Variants in PIK3C2G observed in about 807,000 individuals in gnomAD.
PIK3C2G encodes the protein phosphatidylinositol 3-kinase C2 domain-containing subunit gamma.
Under a neutral mutation model 181.1 loss-of-function variants are expected in PIK3C2G, and 168 were observed. The ratio of observed to expected loss-of-function variants is 0.93; its 90% CI spans 0.82 to 1.05. PIK3C2G has a LOEUF of 1.05. Ranked by LOEUF, PIK3C2G falls within the 50% of genes least tolerant of loss-of-function variation. PIK3C2G has a pLI of 0.00. For missense variants in PIK3C2G, 1,869 were observed against 1,732.8 expected (o/e 1.08, Z -1.40); for synonymous variants, 573 against 592.2 (o/e 0.97, Z 0.47).
chr12:18,296,142 C>T (rs920651270), intron 5 of PIK3C2G, among the ~76,000 whole-genome samples: 1 of 151,936 alleles, frequency 6.6e-6, no homozygotes, highest in Non-Finnish European at 1.5e-5. Flanking sequence ...TGTTATATTG[C>T]TATATTAGTT....
chr12:18,647,846 T>C, intron 32 of PIK3C2G, 30 bp from the exon 33 acceptor site: 1 of 1,384,932 alleles, frequency 7.2e-7, no homozygotes, highest in Non-Finnish European at 9.6e-7. Context: ...CATTTCTGAT[T>C]TATATTTTCA....
intron 16 of PIK3C2G, among the ~76,000 whole-genome samples, chr12:18,400,066 T>C (rs1406279732): frequency 6.6e-6 from 1 of 152,210 alleles, no homozygotes; most frequent in East Asian, 1.9e-4. Flanking sequence ...TAATAAATTG[T>C]AGAAGTTTCT....
intron 8 of PIK3C2G, among the ~76,000 whole-genome samples, chr12:18,333,394 C>T (rs932197120): frequency 2.6e-5 from 4 of 152,010 alleles, no homozygotes; most frequent in African/African-American, 7.2e-5. Context: ...CCCATCAACC[C>T]GTCATCTACA....
the PIK3C2G span, among the ~76,000 whole-genome samples, chr12:18,691,717 A>C: frequency 6.6e-6 from 1 of 152,180 alleles, no homozygotes. Context: ...TGTAAAGTGA[A>C]GTCAGTAGTT....
chr12:18,269,992 C>A (rs557039853), intron 1 of PIK3C2G, among the ~76,000 whole-genome samples: 5 of 149,864 alleles, frequency 3.3e-5, no homozygotes, highest in African/African-American at 4.9e-5. Context: ...TCACTGCAAC[C>A]TCCACCTCCT....
chr12:18,573,153 T>C (rs1216267272), intron 29 of PIK3C2G, among the ~76,000 whole-genome samples: 1 of 152,224 alleles, frequency 6.6e-6, no homozygotes, highest in Non-Finnish European at 1.5e-5. Context: ...GATATTATAC[T>C]GCAATATCCT....
At chr12:18,650,710 ATC>A (rs1565602623), downstream of PIK3C2G, among the ~76,000 whole-genome samples, 447 of 6,890 alleles carry the variant, frequency 0.065, 16 homozygotes, top group Admixed American at 0.084. Flanking sequence ...GTGTGTATAT[ATC>A]TATATATATA....
chr12:18,359,667 C>T (rs1404068859), intron 11 of PIK3C2G, among the ~76,000 whole-genome samples: 1 of 152,086 alleles, frequency 6.6e-6, no homozygotes, highest in Non-Finnish European at 1.5e-5. Flanking sequence ...ATTCTTATAT[C>T]TTCCTGGTCA....
chr12:18,440,385 T>C (rs1386683880), intron 18 of PIK3C2G, among the ~76,000 whole-genome samples: 1 of 151,854 alleles, frequency 6.6e-6, no homozygotes, highest in Non-Finnish European at 1.5e-5. Context: ...TTAAGAGAAA[T>C]AAAATCCATA....
intron 29 of PIK3C2G, among the ~76,000 whole-genome samples, chr12:18,583,892 G>A (rs537459725): frequency 4.6e-4 from 70 of 152,256 alleles, no homozygotes; most frequent in African/African-American, 1.6e-3. Flanking sequence ...GACAGAAATA[G>A]AATTAAGGAT....
chr12:18,672,459 G>GA, the PIK3C2G span, among the ~76,000 whole-genome samples: 19 of 151,456 alleles, frequency 1.3e-4, no homozygotes, highest in African/African-American at 2.9e-4. Context: ...CAAATGACTT[G>GA]AAAAAAAACT....
chr12:18,375,846 C>A (rs79601553), intron 13 of PIK3C2G, among the ~76,000 whole-genome samples: 1,832 of 152,288 alleles, frequency 0.012, 41 homozygotes, highest in African/African-American at 0.041. Flanking sequence ...AGCTTCAGAC[C>A]AAAGGGGCGC....
At chr12:18,256,393 T>C (rs1008736333) in intron 1 of PIK3C2G, among the ~76,000 whole-genome samples, 1 of 152,128 alleles carries the variant, frequency 6.6e-6, no homozygotes, top group Admixed American at 6.6e-5. Flanking sequence ...ACTGGTTTCT[T>C]TGCTTAGCAC....
intron 11 of PIK3C2G, among the ~76,000 whole-genome samples, chr12:18,359,226 C>G (rs1030908946): frequency 6.6e-6 from 1 of 152,142 alleles, no homozygotes; most frequent in Non-Finnish European, 1.5e-5. Flanking sequence ...TTAATTTCCA[C>G]CTATTTGTGA....
chr12:18,360,300 T>C (rs933679531), intron 11 of PIK3C2G, among the ~76,000 whole-genome samples: 1 of 152,222 alleles, frequency 6.6e-6, no homozygotes, highest in African/African-American at 2.4e-5. Context: ...ACACTTTATG[T>C]TATTGATGTT....
chr12:18,388,374 G>A (rs569564667), intron 14 of PIK3C2G, among the ~76,000 whole-genome samples: 9 of 152,110 alleles, frequency 5.9e-5, no homozygotes, highest in South Asian at 2.1e-4. Flanking sequence ...TGGTTCAAGC[G>A]ATTCTCTCTT....
At chr12:18,319,929 T>C (rs1434907340) in intron 6 of PIK3C2G, 1 of 152,238 alleles carries the variant, frequency 6.6e-6, no homozygotes, top group African/African-American at 2.4e-5. Context: ...TCAGTCATTC[T>C]ACATAGTGTT....
chr12:18,426,817 T>G (rs990967311), intron 18 of PIK3C2G, among the ~76,000 whole-genome samples: 2 of 152,220 alleles, frequency 1.3e-5, no homozygotes, highest in African/African-American at 4.8e-5. Context: ...ACTGTTTGAT[T>G]TGATGCTTAT....
intron 14 of PIK3C2G, 89 bp from the exon 15 acceptor site, chr12:18,391,033 A>C (rs1397588974): frequency 1.2e-6 from 1 of 847,798 alleles, no homozygotes; most frequent in Admixed American, 3.6e-5. Flanking sequence ...TCTGTTCTTT[A>C]GTTTCTATAA....
Sources: allele counts gnomAD v4.1 joint callset (sites outside exome capture counted in the v4.1 genomes callset), GRCh38; gene constraint gnomAD v4.1.1; transcripts MANE v1.5; gene names NCBI Gene and HGNC (gene_info 2026-07-23, HGNC 2026-07-21).